MGST1: variants seen among roughly 807,000 people sequenced by gnomAD.
MGST1 encodes the protein microsomal glutathione S-transferase 1.
A neutral mutation model predicts 8.9 loss-of-function variants in MGST1; 5 were observed. That is an observed-to-expected ratio of 0.56 (90% CI 0.29 to 1.19). The LOEUF (loss-of-function observed/expected upper bound fraction) is 1.19, where lower values mean the gene tolerates loss of function less well. Ranked by LOEUF, MGST1 falls within the 50% of genes most tolerant of loss-of-function variation. The probability of loss-of-function intolerance (pLI) is 0.08; values close to 1 mark genes in which losing one functional copy is unlikely to be tolerated. For synonymous variants in MGST1, 54 were observed against 67.8 expected, an observed-to-expected ratio of 0.80 and a Z score of 1.00; for missense variants, 182 against 187.4, an observed-to-expected ratio of 0.97 and a Z score of 0.17.
At chr12:16,442,732 C>T (rs371996331), downstream of MGST1, among the ~76,000 whole-genome samples, 1 of 151,768 alleles carries the variant, frequency 6.6e-6, no homozygotes, top group African/African-American at 2.4e-5. The surrounding 1 kb of genome is among the most constrained non-coding windows in gnomAD (Gnocchi z 4.5). Flanking sequence ...TAGTGTCAGT[C>T]CTCTGACTTT....
chr12:16,391,867 A>AT (rs570033710), intron 1 of MGST1, among the ~76,000 whole-genome samples: 261 of 152,256 alleles, frequency 1.7e-3, no homozygotes, highest in Middle Eastern at 6.8e-3. Context: ...CAAAGTTCTC[A>AT]TAGTTTTGGG....
chr12:16,418,309 G>A (rs151031786), intron 1 of MGST1, among the ~76,000 whole-genome samples: 1 of 152,196 alleles, frequency 6.6e-6, no homozygotes, highest in African/African-American at 2.4e-5. Flanking sequence ...CTAATTCCAA[G>A]GTTCATGTTC....
At chr12:16,461,771 A>T (rs1941223507) in intron 4 of MGST1, among the ~76,000 whole-genome samples, 1 of 152,164 alleles carries the variant, frequency 6.6e-6, no homozygotes, top group Non-Finnish European at 1.5e-5. Context: ...TACCCAGAAC[A>T]ACTACACCAA....
In MGST1 at chr12:16,427,119, G is replaced by T. The variant is rs1273021297; in HGVS notation, n.779-10269G>T. Among the ~76,000 whole-genome samples, 3 of 152,230 alleles carry T rather than the reference G, an allele frequency of 2.0e-5. No individual in the cohort carries two copies. In the East Asian group the frequency reaches 5.8e-4, roughly 29 times the overall value. On this transcript the variant is annotated intron_variant and non_coding_transcript_variant, in intron 1 of 1. Transcript: ENST00000359720. ...TGACAATTTGCAGTCTGGCAATAAA[G>T]ACTTTAAACAATTGTTTACATTATT...
rs1940696060 is a variant in MGST1 at position 16,406,090 on chromosome 12, G to T, written n.778+22486G>T. 2.0e-5 allele frequency among the ~76,000 whole-genome samples: 3 copies of T among 152,058 alleles called. No individual in the cohort carries two copies. In the South Asian group the frequency reaches 6.2e-4, roughly 32 times the overall value. ...TTCAGGCAACAGAAAGAAAGAAAGG[G>T]CATCCTAATAGAAAGCCATCCAAAT... On this transcript the variant is annotated intron_variant and non_coding_transcript_variant, in intron 1 of 1. Transcript: ENST00000359720.
At position 16,517,018 on chromosome 12, in the gene MGST1, C is replaced by A. The variant is rs1241955683; in HGVS notation, n.483-72510C>A. 6.6e-6 allele frequency among the ~76,000 whole-genome samples: 1 copy of A among 152,080 alleles called. No individual in the cohort carries two copies. The highest frequency in any genetic ancestry group is 1.5e-5 in the Non-Finnish European group (1 of 68,004). The stretch of plus-strand genomic sequence containing the variant: ...ACATTTTTCTTATCCCAGAGGCTGA[C>A]AGTTTTCAGTGGCTACAGTGAGCTG... On this transcript the variant is annotated intron_variant and non_coding_transcript_variant, in intron 4 of 4. Transcript: ENST00000538857. This position sits in a 1 kb window ranked among gnomAD's most constrained non-coding sequence, Gnocchi z 4.2.
intron 4 of MGST1, among the ~76,000 whole-genome samples, chr12:16,448,068 T>G (rs1002506835): frequency 6.6e-6 from 1 of 151,824 alleles, no homozygotes; most frequent in African/African-American, 2.4e-5. Context: ...AGATATCCAA[T>G]GAAGCTTATA....
At chr12:16,367,270 A>C (rs1302334400), downstream of MGST1, 1 of 152,178 alleles carries the variant, frequency 6.6e-6, no homozygotes, top group Non-Finnish European at 1.5e-5. Flanking sequence ...ATCCTTGTTG[A>C]ATTAATGTCA....
intron 4 of MGST1, among the ~76,000 whole-genome samples, chr12:16,511,484 TCTTAAA>T (rs1277156393): frequency 6.6e-6 from 1 of 152,228 alleles, no homozygotes; most frequent in East Asian, 1.9e-4. Flanking sequence ...GAGTGCTGAT[TCTTAAA>T]CTTAAAAAAA....
Position 16,483,903 on chromosome 12 carries a change from C to A in MGST1, n.482+100299C>A, listed in dbSNP as rs145265252. 3.3e-5 allele frequency among the ~76,000 whole-genome samples: 5 copies of A among 152,230 alleles called. No individual in the cohort carries two copies. In the East Asian group the frequency reaches 9.7e-4, roughly 29 times the overall value. On this transcript the variant is annotated intron_variant and non_coding_transcript_variant, in intron 4 of 4. Coordinates refer to the MGST1 transcript ENST00000538857. Reference sequence around the variant, plus strand: ...CTACACATAAAATGCACAGTACCTTCTTGAGAACACACAAAATATTTACAA... The same window carrying A: ...CTACACATAAAATGCACAGTACCTTATTGAGAACACACAAAATATTTACAA...
chr12:16,383,048 C>T (rs898062944), exon 1 of MGST1: 2 of 152,576 alleles, frequency 1.3e-5, no homozygotes, highest in African/African-American at 4.8e-5. Flanking sequence ...GTCTCTCACC[C>T]CTTTCTTTGA....
At chr12:16,417,622 G>A (rs1223205176) in intron 1 of MGST1, among the ~76,000 whole-genome samples, 1 of 152,090 alleles carries the variant, frequency 6.6e-6, no homozygotes, top group Non-Finnish European at 1.5e-5. Context: ...ACTCTTTCTA[G>A]AAGCAATATT....
chr12:16,406,905 CAA>C (rs1251813600), intron 1 of MGST1, among the ~76,000 whole-genome samples: 2 of 152,248 alleles, frequency 1.3e-5, no homozygotes, highest in Non-Finnish European at 2.9e-5. Context: ...AACATCGACT[CAA>C]GATGGATTAA....
At chr12:16,530,482 T>C (rs1167524053) in intron 4 of MGST1, among the ~76,000 whole-genome samples, 1 of 152,126 alleles carries the variant, frequency 6.6e-6, no homozygotes, top group Non-Finnish European at 1.5e-5. Flanking sequence ...ATAGGAGTTT[T>C]ATAAAACCTG....
chr12:16,435,773 A>G (rs1940979837), intron 1 of MGST1, among the ~76,000 whole-genome samples: 1 of 151,954 alleles, frequency 6.6e-6, no homozygotes, highest in Non-Finnish European at 1.5e-5. Flanking sequence ...GTAGAAAATT[A>G]AAAGTTGTAC....
At chr12:16,366,666 TACACACACAC>T (rs1940197591), downstream of MGST1, among the ~76,000 whole-genome samples, 3 of 15,444 alleles carry the variant, frequency 1.9e-4, no homozygotes, top group East Asian at 0.012. The surrounding 1 kb of genome is among the most constrained non-coding windows in gnomAD (Gnocchi z 4.0). Context: ...CACACACACA[TACACACACAC>T]ATACTACCAT....
downstream of MGST1, among the ~76,000 whole-genome samples, chr12:16,443,139 C>T (rs143056953): frequency 5.4e-4 from 82 of 151,766 alleles, no homozygotes; most frequent in African/African-American, 1.7e-3. Context: ...TTCTTACTTT[C>T]GATGCAATTA....
chr12:16,488,060 A>C (rs1392963017), intron 4 of MGST1, among the ~76,000 whole-genome samples: 1 of 152,194 alleles, frequency 6.6e-6, no homozygotes, highest in African/African-American at 2.4e-5. Context: ...TGATCAAGTT[A>C]TTTAGAGATA....
chr12:16,510,470 C>G (rs1245799384), intron 4 of MGST1, among the ~76,000 whole-genome samples: 1 of 152,196 alleles, frequency 6.6e-6, no homozygotes, highest in African/African-American at 2.4e-5. Context: ...AAAGCTATGC[C>G]TTAACACATT....
Sources: allele counts gnomAD v4.1 joint callset (sites outside exome capture counted in the v4.1 genomes callset), GRCh38; gene constraint gnomAD v4.1.1; non-coding constraint Gnocchi (gnomAD v3.1); transcripts MANE v1.5; gene names NCBI Gene and HGNC (gene_info 2026-07-23, HGNC 2026-07-21).